Variants in GPATCH8 observed in about 807,000 individuals in gnomAD.
The protein encoded by GPATCH8 is G-patch domain containing 8.
GPATCH8 carries 18 observed loss-of-function variants against 118.3 expected under a neutral mutation model. The ratio of observed to expected loss-of-function variants is 0.15; its 90% CI spans 0.11 to 0.23. The LOEUF is 0.23. GPATCH8 is among the 10% of genes least tolerant of loss of function. The pLI, the probability that GPATCH8 is intolerant of heterozygous loss-of-function variation, is 1.00. For missense variants in GPATCH8, 1,631 were observed against 1,873.8 expected, an observed-to-expected ratio of 0.87 and a Z score of 2.39; for synonymous variants, 659 against 684.7, an observed-to-expected ratio of 0.96 and a Z score of 0.59.
In GPATCH8 at chr17:44,395,562, A is replaced by G. The variant is rs1424023268; in HGVS notation, c.*2006T>C. 1 of 454,358 alleles carries G rather than the reference A, an allele frequency of 2.2e-6. No individual in the cohort carries two copies. Among genetic ancestry groups the G allele is most frequent in the African/African-American group, 2.0e-5 (1 of 50,008 alleles). 28.1% of individuals were successfully genotyped at this position (454,358 alleles called of 1,614,324 possible). A position where few individuals can be genotyped will look rare whatever the true frequency, so the allele number is the denominator to read the frequency against. The stretch of plus-strand genomic sequence containing the variant: ...CATGGGCTGAAAGCAAAGAAAAATG[A>G]GTCCCTTCACTTACACAGATGATTT... On this transcript the variant is annotated 3_prime_UTR_variant, in exon 8 of 8. Transcript: ENST00000591680.
At chr17:44,492,609 G>A (rs1275920185) in intron 1 of GPATCH8, among the ~76,000 whole-genome samples, 5 of 151,882 alleles carry the variant, frequency 3.3e-5, no homozygotes, top group Admixed American at 2.6e-4. Flanking sequence ...AAAAAGAGGG[G>A]GAGATACCAC....
chr17:44,442,944 G>C (rs550609051), intron 3 of GPATCH8, among the ~76,000 whole-genome samples: 1 of 152,272 alleles, frequency 6.6e-6, no homozygotes, highest in East Asian at 1.9e-4. Context: ...AATTAGCTGG[G>C]CATGGTGGCA....
rs971969376 is a variant in GPATCH8 at position 44,396,742 on chromosome 17, T to C, written c.*826A>G. 2.2e-6 allele frequency: 1 copy of C among 450,900 alleles called. No homozygotes were observed. Among genetic ancestry groups the C allele is most frequent in the Non-Finnish European group, 4.4e-6 (1 of 225,908 alleles). The allele number at this position is 450,900 out of a possible 1,614,324, so 27.9% of individuals were successfully genotyped here. A position where few individuals can be genotyped will look rare whatever the true frequency, so the allele number is the denominator to read the frequency against. ...TTTATATGAGCTACAAAAAGCAGCA[T>C]TTACGTTTATAGAGTTCAGTGCAAT... is the stretch of plus-strand genomic sequence containing the variant. On this transcript the variant is annotated 3_prime_UTR_variant, in exon 8 of 8. Coordinates refer to ENST00000591680, the MANE Select transcript of GPATCH8 (RefSeq NM_001002909.4).
intron 1 of GPATCH8, among the ~76,000 whole-genome samples, chr17:44,494,743 T>C (rs1005078943): frequency 1.3e-5 from 2 of 152,224 alleles, no homozygotes; most frequent in Admixed American, 6.5e-5. Flanking sequence ...TAACAAACTA[T>C]AGCTGAATTA....
intron 6 of GPATCH8, among the ~76,000 whole-genome samples, chr17:44,419,683 C>G (rs1242378618): frequency 6.7e-6 from 1 of 149,806 alleles, no homozygotes; most frequent in Non-Finnish European, 1.5e-5. Context: ...TTTAGAGAGA[C>G]AGAGTCTTGC....
intron 1 of GPATCH8, among the ~76,000 whole-genome samples, chr17:44,484,787 A>G (rs1968643963): frequency 6.6e-6 from 1 of 152,162 alleles, no homozygotes; most frequent in Non-Finnish European, 1.5e-5. Flanking sequence ...CCCTAATTTG[A>G]TATTTCAATG....
In GPATCH8 at chr17:44,398,982, C is replaced by A; in HGVS notation, c.3095G>T (p.Arg1032Leu). The change falls in exon 8 of 8, where the codon CGC (arginine) becomes CTC (leucine). Residue 1032 changes from arginine to leucine, a missense_variant. By Grantham distance (102) the Arg-to-Leu change is moderately radical. Coordinates refer to ENST00000591680, the MANE Select transcript of GPATCH8 (RefSeq NM_001002909.4). Reference sequence around the variant, plus strand: ...TCGGAAATAGTGGGGGGACTGGGAGCGGTAGATCTTAGAACGAATGAAGTC... The same window carrying A: ...TCGGAAATAGTGGGGGGACTGGGAGAGGTAGATCTTAGAACGAATGAAGTC... ...RRDFIRSKIY[R>L]SQSPHYFRSG... is the part of the protein sequence containing the mutation. 6.2e-7 allele frequency: 1 copy of A among 1,614,034 alleles called. No individual in the cohort carries two copies. Among genetic ancestry groups the A allele is most frequent in the Non-Finnish European group, 8.5e-7 (1 of 1,179,962 alleles).
chr17:44,438,277 A>G (rs1390947540), intron 3 of GPATCH8, among the ~76,000 whole-genome samples: 1 of 152,182 alleles, frequency 6.6e-6, no homozygotes, highest in Non-Finnish European at 1.5e-5. Flanking sequence ...AAGAATCAAG[A>G]AAGTTTTGGT....
chr17:44,478,258 T>G (rs187233859), intron 1 of GPATCH8, among the ~76,000 whole-genome samples: 5 of 152,172 alleles, frequency 3.3e-5, no homozygotes, highest in Non-Finnish European at 4.4e-5. Context: ...ATAATAAATA[T>G]CCAAATACTG....
chr17:44,422,316 C>T (rs1000353803), intron 6 of GPATCH8, among the ~76,000 whole-genome samples: 2 of 151,764 alleles, frequency 1.3e-5, no homozygotes, highest in African/African-American at 2.4e-5. Flanking sequence ...GGAGTAGCTG[C>T]GATTACACAT....
chr17:44,502,621 G>A (rs1233222118), intron 1 of GPATCH8, among the ~76,000 whole-genome samples: 1 of 152,112 alleles, frequency 6.6e-6, no homozygotes, highest in African/African-American at 2.4e-5. Context: ...CCCATGCGTG[G>A]ACGGCCTATT....
intron 1 of GPATCH8, among the ~76,000 whole-genome samples, chr17:44,475,774 C>G (rs1273958308): frequency 6.6e-6 from 1 of 152,044 alleles, no homozygotes; most frequent in Non-Finnish European, 1.5e-5. Flanking sequence ...ACCTGTAATC[C>G]CAGCACTTTG....
rs914585691 is a variant in GPATCH8 at position 44,397,470 on chromosome 17, A to G, written c.*98T>C. 2.3e-6 allele frequency: 2 copies of G among 854,126 alleles called. No individual in the cohort carries two copies. The highest frequency in any genetic ancestry group is 1.9e-5 in the Admixed American group (1 of 53,476). The allele number at this position is 854,126 out of a possible 1,614,324, so 52.9% of individuals were successfully genotyped here. A position where few individuals can be genotyped will look rare whatever the true frequency, so the allele number is the denominator to read the frequency against. Reference sequence around the variant, plus strand: ...ATTCTTTGGCTGTCAGACACTGCCCATCCCAGCTTCTACTTGCTGGTATTA... The same window carrying G: ...ATTCTTTGGCTGTCAGACACTGCCCGTCCCAGCTTCTACTTGCTGGTATTA... On this transcript the variant is annotated 3_prime_UTR_variant, in exon 8 of 8. Transcript: ENST00000591680.
intron 6 of GPATCH8, among the ~76,000 whole-genome samples, chr17:44,415,447 C>A (rs1193828192): frequency 6.6e-6 from 1 of 152,190 alleles, no homozygotes; most frequent in Non-Finnish European, 1.5e-5. Flanking sequence ...CCAATAAACA[C>A]TTCCTTTGAG....
intron 1 of GPATCH8, among the ~76,000 whole-genome samples, chr17:44,476,199 C>T (rs1380952903): frequency 1.3e-5 from 2 of 151,894 alleles, no homozygotes; most frequent in Non-Finnish European, 1.5e-5. Context: ...CAAAGAGCCA[C>T]GCTGTTTTAC....
chr17:44,463,839 A>G (rs1182996516), intron 3 of GPATCH8, among the ~76,000 whole-genome samples: 2 of 152,200 alleles, frequency 1.3e-5, no homozygotes, highest in Non-Finnish European at 2.9e-5. Context: ...AATACAAATG[A>G]CTGGTATAAA....
intron 1 of GPATCH8, among the ~76,000 whole-genome samples, chr17:44,483,174 AAAATATATATATATATATAT>A (rs1968440592): frequency 5.8e-5 from 1 of 17,240 alleles, no homozygotes; most frequent in Non-Finnish European, 1.4e-4. Flanking sequence ...AAAAAAAAAA[AAAATATATATATATATATAT>A]ATATATATAT....
At chr17:44,482,923 G>A (rs1449528922) in intron 1 of GPATCH8, among the ~76,000 whole-genome samples, 3 of 149,918 alleles carry the variant, frequency 2.0e-5, no homozygotes, top group East Asian at 2.0e-4. Flanking sequence ...TTGGGAGGCC[G>A]AGGCAGGCGG....
intron 3 of GPATCH8, among the ~76,000 whole-genome samples, chr17:44,452,672 T>C (rs1446810285): frequency 6.6e-6 from 1 of 152,200 alleles, no homozygotes; most frequent in Non-Finnish European, 1.5e-5. Flanking sequence ...TATTATTTTA[T>C]TTCCATCACC....
Sources: gnomAD v4.1 joint callset for allele counts (sites outside exome capture counted in the v4.1 genomes callset) on GRCh38, gnomAD v4.1.1 for gene constraint, MANE v1.5 for transcripts, NCBI Gene and HGNC (gene_info 2026-07-23, HGNC 2026-07-21) for gene names.